Variants in COL24A1 observed in about 807,000 individuals in gnomAD.
The protein encoded by COL24A1 is collagen type XXIV alpha 1 chain.
In COL24A1, 224 loss-of-function variants were observed where a neutral mutation model predicts 253.9. That is an observed-to-expected ratio of 0.88 (90% CI 0.79 to 0.99). The LOEUF (loss-of-function observed/expected upper bound fraction) is 0.99. COL24A1 is among the 50% of genes least tolerant of loss of function. The probability of loss-of-function intolerance (pLI) is 0.00; values close to 1 mark genes in which losing one functional copy is unlikely to be tolerated. For missense variants in COL24A1, 2,131 were observed against 2,068.5 expected (o/e 1.03, Z -0.59); for synonymous variants, 685 against 673.7 (o/e 1.02, Z -0.26).
At chr1:85,823,827 T>C (rs755233478) in intron 43 of COL24A1, 89 bp from the exon 44 acceptor site, 3 of 1,189,684 alleles carry the variant, frequency 2.5e-6, no homozygotes, top group Non-Finnish European at 3.7e-6. Flanking sequence ...GGTAGCAAAG[T>C]GTTGCAAAGC....
intron 47 of COL24A1, among the ~76,000 whole-genome samples, chr1:85,804,793 G>A (rs1330674234): frequency 6.6e-6 from 1 of 151,840 alleles, no homozygotes; most frequent in Non-Finnish European, 1.5e-5. Flanking sequence ...ATTTGGGTGG[G>A]AACACAGAGC....
At chr1:85,980,667 G>C (rs1693163809) in intron 20 of COL24A1, among the ~76,000 whole-genome samples, 1 of 152,172 alleles carries the variant, frequency 6.6e-6, no homozygotes, top group African/African-American at 2.4e-5. Flanking sequence ...CCAGCACTTT[G>C]GGAGGCCAAG....
intron 22 of COL24A1, 106 bp downstream of exon 22, chr1:85,970,121 A>T: frequency 9.6e-7 from 1 of 1,040,274 alleles, no homozygotes; most frequent in South Asian, 2.0e-5. Flanking sequence ...ATTTGTTTTC[A>T]TTTTTGTCCT....
At chr1:85,980,635 G>A (rs905510523) in intron 20 of COL24A1, among the ~76,000 whole-genome samples, 4 of 152,082 alleles carry the variant, frequency 2.6e-5, no homozygotes, top group South Asian at 2.1e-4. Context: ...CAAGGCGGGT[G>A]CGGTGGCTCA....
chr1:86,145,019 G>A (rs1377188932), intron 2 of COL24A1, among the ~76,000 whole-genome samples: 1 of 151,952 alleles, frequency 6.6e-6, no homozygotes, highest in Non-Finnish European at 1.5e-5. Context: ...TGTGACATGT[G>A]GCTTAATCAT....
chr1:85,784,077 A>G (rs757380619), intron 50 of COL24A1, 36 bp downstream of exon 50: 27 of 1,499,916 alleles, frequency 1.8e-5, no homozygotes, highest in Non-Finnish European at 2.5e-5. Context: ...TTATTTCTAG[A>G]TAGCTAGAAG....
chr1:85,958,264 T>A (rs1429417440), intron 24 of COL24A1, among the ~76,000 whole-genome samples: 1 of 152,144 alleles, frequency 6.6e-6, no homozygotes, highest in Non-Finnish European at 1.5e-5. Flanking sequence ...CTTCCCTGGC[T>A]AACTTATATC....
intron 5 of COL24A1, among the ~76,000 whole-genome samples, chr1:86,094,009 G>A (rs536571960): frequency 5.9e-5 from 9 of 152,166 alleles, no homozygotes; most frequent in South Asian, 2.1e-4. Context: ...GTGACGTTGC[G>A]GAGAAAAAGA....
chr1:85,948,195 T>C (rs1689511203), intron 24 of COL24A1, among the ~76,000 whole-genome samples: 1 of 152,144 alleles, frequency 6.6e-6, no homozygotes, highest in African/African-American at 2.4e-5. Context: ...TCCTCTTTAG[T>C]AACTAAATTA....
chr1:85,946,059 G>A (rs909175883), intron 24 of COL24A1, among the ~76,000 whole-genome samples: 1 of 152,110 alleles, frequency 6.6e-6, no homozygotes, highest in Non-Finnish European at 1.5e-5. Context: ...TGCCTCAACT[G>A]TTTGTGCAAA....
chr1:85,730,792 A>G, intron 59 of COL24A1, 100 bp from the exon 60 acceptor site: 1 of 1,245,862 alleles, frequency 8.0e-7, no homozygotes, highest in Non-Finnish European at 1.1e-6. Flanking sequence ...TTTAAGGATT[A>G]GAGATAACGA....
At chr1:86,132,252 A>C (rs925498286) in intron 2 of COL24A1, among the ~76,000 whole-genome samples, 11 of 152,072 alleles carry the variant, frequency 7.2e-5, no homozygotes, top group African/African-American at 2.2e-4. Context: ...TTCATTGTAG[A>C]TTCTGGATAT....
intron 19 of COL24A1, among the ~76,000 whole-genome samples, chr1:85,993,948 A>G (rs1240277174): frequency 2.6e-5 from 4 of 152,056 alleles, no homozygotes; most frequent in African/African-American, 7.2e-5. Context: ...AACAAATTAC[A>G]TATTTTGGAA....
At chr1:85,744,354 A>G (rs1211396207) in intron 57 of COL24A1, among the ~76,000 whole-genome samples, 4 of 152,082 alleles carry the variant, frequency 2.6e-5, no homozygotes, top group Non-Finnish European at 4.4e-5. Context: ...TAACTTTTGT[A>G]GTCCTGACTT....
chr1:85,765,797 G>A (rs535519480), intron 53 of COL24A1, among the ~76,000 whole-genome samples: 78 of 152,184 alleles, frequency 5.1e-4, no homozygotes, highest in Middle Eastern at 6.8e-3. Flanking sequence ...TCTGCTATAA[G>A]TTAAAATTTT....
chr1:85,965,394 A>C (rs2100713689), intron 22 of COL24A1, among the ~76,000 whole-genome samples: 1 of 152,146 alleles, frequency 6.6e-6, no homozygotes, highest in Middle Eastern at 3.4e-3. Flanking sequence ...GTAAGGTAAC[A>C]AATCAAGCAG....
At chr1:85,950,969 G>A (rs889177616) in intron 24 of COL24A1, among the ~76,000 whole-genome samples, 3 of 152,122 alleles carry the variant, frequency 2.0e-5, no homozygotes, top group Admixed American at 6.5e-5. Flanking sequence ...TTCTGCAAAC[G>A]CTCCAGGTCA....
chr1:86,071,546 T>TA (rs1557494070), intron 7 of COL24A1, among the ~76,000 whole-genome samples: 1 of 151,572 alleles, frequency 6.6e-6, no homozygotes. Context: ...AATAAAGGGA[T>TA]AAAAAAAGAT....
chr1:85,797,566 A>C (rs544067831), intron 47 of COL24A1, among the ~76,000 whole-genome samples: 12 of 152,332 alleles, frequency 7.9e-5, no homozygotes, highest in African/African-American at 2.6e-4. Context: ...ATACTTGAAG[A>C]AGCATAGCTC....
Sources: gnomAD v4.1 joint callset for allele counts (sites outside exome capture counted in the v4.1 genomes callset) on GRCh38, gnomAD v4.1.1 for gene constraint, MANE v1.5 for transcripts, NCBI Gene and HGNC (gene_info 2026-07-23, HGNC 2026-07-21) for gene names.